PHIP: variants seen among roughly 807,000 people sequenced by gnomAD.
PHIP encodes the protein PH-interacting protein.
In PHIP, 54 loss-of-function variants were observed where a neutral mutation model predicts 236.8. The ratio of observed to expected loss-of-function variants is 0.23; its 90% CI spans 0.18 to 0.29. PHIP has a LOEUF of 0.29. Ranked by LOEUF, PHIP falls within the 10% of genes least tolerant of loss-of-function variation. The probability of loss-of-function intolerance (pLI) is 1.00; values close to 1 mark genes in which losing one functional copy is unlikely to be tolerated. For missense variants in PHIP, 1,370 were observed against 2,190.8 expected (o/e 0.63, Z 7.48); for synonymous variants, 756 against 718.9 (o/e 1.05, Z -0.83).
chr6:79,050,670 T>C (rs1772748978), intron 6 of PHIP, among the ~76,000 whole-genome samples: 1 of 152,084 alleles, frequency 6.6e-6, no homozygotes, highest in South Asian at 2.1e-4. Context: ...AAAAAAGCAG[T>C]AGGAAAACTC....
At chr6:79,056,270 CAG>C (rs1328095368) in intron 6 of PHIP, among the ~76,000 whole-genome samples, 1 of 152,140 alleles carries the variant, frequency 6.6e-6, no homozygotes, top group Non-Finnish European at 1.5e-5. Flanking sequence ...GTACAGAAAA[CAG>C]AGGGGCATTC....
At chr6:79,007,465 T>TGCA (rs1478426292) in intron 15 of PHIP, among the ~76,000 whole-genome samples, 1 of 151,970 alleles carries the variant, frequency 6.6e-6, no homozygotes, top group Admixed American at 6.6e-5. Context: ...AAAAGCAGAA[T>TGCA]GCATACTAAA....
At chr6:79,000,851 G>A (rs1213508045) in intron 17 of PHIP, among the ~76,000 whole-genome samples, 1 of 152,018 alleles carries the variant, frequency 6.6e-6, no homozygotes, top group Non-Finnish European at 1.5e-5. Flanking sequence ...ACTACTCTAG[G>A]AGTAGCAGCA....
intron 23 of PHIP, among the ~76,000 whole-genome samples, chr6:78,982,477 G>A (rs1457484816): frequency 6.6e-6 from 1 of 151,978 alleles, no homozygotes; most frequent in Non-Finnish European, 1.5e-5. Flanking sequence ...TCTACTCTGT[G>A]TGATGTTCCT....
chr6:79,017,724 T>C, intron 10 of PHIP, 141 bp from the exon 11 acceptor site: 1 of 589,714 alleles, frequency 1.7e-6, no homozygotes, highest in South Asian at 2.4e-5. Flanking sequence ...ATCCTAAATA[T>C]ATAACACATC....
At chr6:79,070,003 G>GC (rs1185892114) in intron 4 of PHIP, among the ~76,000 whole-genome samples, 2 of 151,816 alleles carry the variant, frequency 1.3e-5, no homozygotes, top group African/African-American at 2.4e-5. Context: ...AAAAGAAAAT[G>GC]CAATACTACG....
At chr6:78,986,016 AAAT>A in intron 21 of PHIP, among the ~76,000 whole-genome samples, 1 of 152,338 alleles carries the variant, frequency 6.6e-6, no homozygotes, top group African/African-American at 2.4e-5. Context: ...TATCTAGATA[AAAT>A]GATAACAAAT....
intron 27 of PHIP, among the ~76,000 whole-genome samples, chr6:78,968,907 C>G (rs1767333417): frequency 6.6e-6 from 1 of 152,194 alleles, no homozygotes; most frequent in Admixed American, 6.5e-5. Flanking sequence ...AGACTTTCCT[C>G]TTGAAGGAGA....
rs1582063970 is a variant in PHIP, at chr6:78,935,376, C to A, written c.*5317G>T. On this transcript the variant is annotated 3_prime_UTR_variant, in exon 40 of 40. Transcript: ENST00000275034. ...TGGTCTTCATGCTAAAATTGGGATTCTTAGTCAATAAAAATGCATGCCAAT... is the reference window on the plus strand; with the variant it reads ...TGGTCTTCATGCTAAAATTGGGATTATTAGTCAATAAAAATGCATGCCAAT... The A allele has an allele frequency of 2.6e-5, 8 of 308,124 alleles. No individual in the cohort carries two copies. The highest frequency in any genetic ancestry group is 3.8e-5 in the Non-Finnish European group (8 of 211,018). The allele number at this position is 308,124 out of a possible 1,614,324, so 19.1% of individuals were successfully genotyped here.
At chr6:79,029,314 C>T (rs951569203) in intron 7 of PHIP, among the ~76,000 whole-genome samples, 3 of 152,146 alleles carry the variant, frequency 2.0e-5, no homozygotes, top group Non-Finnish European at 4.4e-5. Context: ...TAAGCAATTT[C>T]TATCTCATAT....
At chr6:79,039,722 T>A (rs891252782) in intron 7 of PHIP, among the ~76,000 whole-genome samples, 6 of 152,186 alleles carry the variant, frequency 3.9e-5, no homozygotes, top group Non-Finnish European at 8.8e-5. Context: ...GCTTTTTATA[T>A]GGCGTTCCAT....
Position 78,940,875 on chromosome 6 carries a change from A to G in PHIP, c.5284T>C (p.Ser1762Pro), listed in dbSNP as rs761417412. 2.8e-5 allele frequency: 45 copies of G among 1,613,774 alleles called. No individual in the cohort carries two copies. The highest frequency in any genetic ancestry group is 3.6e-5 in the Non-Finnish European group (43 of 1,179,904). ...TTTCTAGTTCTCATGTGGGGTTCAG[A>G]GCCTTTGAGTTCTTCAAACTCTTCT... ...EEEEFEELKG[S>P]EPHMRTRNQG... is the part of the protein sequence containing the mutation. The change falls in exon 40 of 40, where the codon TCT becomes CCT. Residue 1762 changes from serine (S) to proline (P), a missense_variant. Around this residue, in one of 14 missense-constraint regions of PHIP, gnomAD observed 309 missense variants for 328.3 expected, o/e 0.94. Coordinates refer to ENST00000275034, the MANE Select transcript of PHIP (RefSeq NM_017934.7).
chr6:78,950,976 CA>C (rs988870765), intron 35 of PHIP, among the ~76,000 whole-genome samples: 1 of 152,126 alleles, frequency 6.6e-6, no homozygotes, highest in Admixed American at 6.5e-5. Context: ...CTCTTTAGTA[CA>C]TTTTAGTATT....
In PHIP at chr6:78,991,040, C is replaced by T. The variant is rs1562159379; in HGVS notation, c.2202-55G>A. The T allele has an allele frequency of 5.8e-6, 6 of 1,035,340 alleles. No individual in the cohort carries two copies. The East Asian group carries it at 9.7e-5, about 17-fold the overall frequency. 64.1% of individuals were successfully genotyped at this position (1,035,340 alleles called of 1,614,324 possible). On this transcript the variant is annotated intron_variant, in intron 19 of 39. Transcript: ENST00000275034. ...TAGAATTTTACACATAACTTTCCTC[C>T]AAAAGGAATGTTAGGTATCAGGAAA...
chr6:79,020,639 C>A (rs1354177344), intron 9 of PHIP, among the ~76,000 whole-genome samples: 2 of 152,144 alleles, frequency 1.3e-5, no homozygotes, highest in East Asian at 3.8e-4. Context: ...TATAAACTAC[C>A]ATTTTTAAAA....
intron 24 of PHIP, among the ~76,000 whole-genome samples, chr6:78,976,008 G>A (rs1251560511): frequency 6.6e-6 from 1 of 151,774 alleles, no homozygotes; most frequent in Non-Finnish European, 1.5e-5. Flanking sequence ...TTTCTTCACA[G>A]AATTGGAAAA....
intron 4 of PHIP, among the ~76,000 whole-genome samples, chr6:79,074,535 TC>T (rs1235873631): frequency 6.6e-6 from 1 of 152,114 alleles, no homozygotes; most frequent in Admixed American, 6.5e-5. Flanking sequence ...AAAATAAATC[TC>T]ATATTTTAAA....
intron 23 of PHIP, 21 bp from the exon 24 acceptor site, chr6:78,978,732 A>G (rs1402274523): frequency 6.4e-7 from 1 of 1,572,704 alleles, no homozygotes; most frequent in Admixed American, 1.7e-5. Context: ...TTAAGTAATA[A>G]TTGTTAAGTA....
chr6:79,076,717 A>C (rs902878947), intron 4 of PHIP, among the ~76,000 whole-genome samples: 6 of 152,162 alleles, frequency 3.9e-5, no homozygotes, highest in South Asian at 2.1e-4. Flanking sequence ...CTCCAATAAT[A>C]ATTTTTAATT....
Sources: gnomAD v4.1 joint callset for allele counts (sites outside exome capture counted in the v4.1 genomes callset) on GRCh38, gnomAD v4.1.1 for gene constraint, gnomAD v4.1.1 regional missense constraint, MANE v1.5 for transcripts, NCBI Gene and HGNC (gene_info 2026-07-23, HGNC 2026-07-21) for gene names.